The following HERC3 variants were observed in gnomAD, a reference collection of about 807,000 sequenced individuals.
The protein encoded by HERC3 is probable E3 ubiquitin-protein ligase HERC3.
In HERC3, 58 loss-of-function variants were observed where a neutral mutation model predicts 129.9. The observed-to-expected ratio is 0.45, with a 90% CI of 0.36 to 0.56. HERC3 has a LOEUF of 0.56. Among genes scored for constraint, HERC3 ranks in the 20% least tolerant of loss-of-function variants. The probability of loss-of-function intolerance (pLI) is 0.00; values close to 1 mark genes in which losing one functional copy is unlikely to be tolerated. For synonymous variants in HERC3, 430 were observed against 451.0 expected, an observed-to-expected ratio of 0.95 and a Z score of 0.59; for missense variants, 835 against 1,244.2, an observed-to-expected ratio of 0.67 and a Z score of 4.95.
the HERC3 span, among the ~76,000 whole-genome samples, chr4:88,544,612 G>A: frequency 7.2e-5 from 11 of 152,138 alleles, no homozygotes; most frequent in South Asian, 2.1e-4. Flanking sequence ...ATAAAGACAC[G>A]TGCACACGTA....
At chr4:88,694,169 C>T (rs1405505652) in intron 23 of HERC3, among the ~76,000 whole-genome samples, 1 of 152,192 alleles carries the variant, frequency 6.6e-6, no homozygotes, top group East Asian at 1.9e-4. Flanking sequence ...TCTCTAGACC[C>T]TGCCAGAGCC....
chr4:88,638,584 C>G (rs1020055720), intron 3 of HERC3, among the ~76,000 whole-genome samples: 12 of 152,230 alleles, frequency 7.9e-5, no homozygotes, highest in African/African-American at 2.9e-4. Context: ...ATTGATGGAA[C>G]ATATCTCAAA....
chr4:88,660,642 T>C (rs1474753923), intron 10 of HERC3, among the ~76,000 whole-genome samples: 1 of 152,200 alleles, frequency 6.6e-6, no homozygotes, highest in African/African-American at 2.4e-5. Context: ...ATGTAAACCA[T>C]AGCATCTCCT....
At chr4:88,638,722 T>C (rs1218867436) in intron 3 of HERC3, among the ~76,000 whole-genome samples, 1 of 152,158 alleles carries the variant, frequency 6.6e-6, no homozygotes, top group Non-Finnish European at 1.5e-5. Flanking sequence ...TTTAACATAG[T>C]ATTGGAAGTT....
At chr4:88,572,212 C>G in the HERC3 span, among the ~76,000 whole-genome samples, 5 of 151,398 alleles carry the variant, frequency 3.3e-5, no homozygotes, top group African/African-American at 1.2e-4. Context: ...TCACTTGAGG[C>G]CAGGAGTTGA....
chr4:88,619,970 G>A (rs887275200), intron 3 of HERC3, among the ~76,000 whole-genome samples: 1 of 152,230 alleles, frequency 6.6e-6, no homozygotes, highest in African/African-American at 2.4e-5. Context: ...TTGAGCAGGT[G>A]TGAGCTGCTA....
chr4:88,625,336 C>G (rs749707339), intron 3 of HERC3, among the ~76,000 whole-genome samples: 19 of 151,978 alleles, frequency 1.3e-4, no homozygotes, highest in Admixed American at 6.6e-4. Flanking sequence ...CATGGTGTGT[C>G]TCTCTCTATA....
chr4:88,545,843 A>G, the HERC3 span, among the ~76,000 whole-genome samples: 4 of 152,208 alleles, frequency 2.6e-5, no homozygotes, highest in South Asian at 6.2e-4. Context: ...TTATTCAGGA[A>G]TAATTCTAAA....
At chr4:88,590,601 C>G (rs1396586002), upstream of HERC3, among the ~76,000 whole-genome samples, 3 of 152,172 alleles carry the variant, frequency 2.0e-5, no homozygotes, top group Non-Finnish European at 2.9e-5. Context: ...AAGAAAAACA[C>G]TTGAGCCATG....
chr4:88,555,195 ACTGCTTGAAC>A, the HERC3 span, among the ~76,000 whole-genome samples: 4 of 151,382 alleles, frequency 2.6e-5, no homozygotes, highest in African/African-American at 9.8e-5. Context: ...AGGCAGGAGA[ACTGCTTGAAC>A]CTGGGAGGCG....
chr4:88,610,703 T>C (rs564817892), intron 3 of HERC3, among the ~76,000 whole-genome samples: 1 of 152,224 alleles, frequency 6.6e-6, no homozygotes, highest in East Asian at 1.9e-4. Context: ...GTCTTGGAAC[T>C]TGGGGGAGAG....
At chr4:88,655,354 T>C in intron 8 of HERC3, 50 bp downstream of exon 8, 1 of 1,605,056 alleles carries the variant, frequency 6.2e-7, no homozygotes, top group Non-Finnish European at 8.5e-7. Context: ...CAGAAATTGG[T>C]CTTATCTTTG....
intron 3 of HERC3, among the ~76,000 whole-genome samples, chr4:88,610,453 C>A (rs1267322863): frequency 3.2e-3 from 389 of 122,312 alleles, no homozygotes; most frequent in Non-Finnish European, 3.9e-3. Context: ...GACTCCGTCT[C>A]AAAAAAAAAA....
chr4:88,654,354 A>G (rs1729629138), intron 7 of HERC3, among the ~76,000 whole-genome samples: 1 of 50,630 alleles, frequency 2.0e-5, no homozygotes, highest in Non-Finnish European at 3.2e-5. Context: ...TTTTTCATAT[A>G]TATATATATA....
At chr4:88,547,581 T>G in the HERC3 span, among the ~76,000 whole-genome samples, 1 of 152,228 alleles carries the variant, frequency 6.6e-6, no homozygotes, top group Non-Finnish European at 1.5e-5. Flanking sequence ...TTTGCCTATT[T>G]TGGATATTTC....
At chr4:88,634,799 C>G (rs571742331) in intron 3 of HERC3, among the ~76,000 whole-genome samples, 2 of 151,588 alleles carry the variant, frequency 1.3e-5, no homozygotes, top group South Asian at 2.1e-4. Context: ...GAGGAAGGAG[C>G]AGGCACCCAT....
the HERC3 span, among the ~76,000 whole-genome samples, chr4:88,558,146 C>T: frequency 6.7e-6 from 1 of 148,606 alleles, no homozygotes; most frequent in African/African-American, 2.5e-5. Flanking sequence ...AATCCCAGTA[C>T]CAGGTATCTA....
upstream of HERC3, among the ~76,000 whole-genome samples, chr4:88,590,933 T>C (rs1260839448): frequency 6.6e-6 from 1 of 151,366 alleles, no homozygotes; most frequent in African/African-American, 2.4e-5. Flanking sequence ...TTGCCCAGGC[T>C]GGAGTAAGTA....
At chr4:88,557,282 A>G in the HERC3 span, among the ~76,000 whole-genome samples, 1 of 152,120 alleles carries the variant, frequency 6.6e-6, no homozygotes. Context: ...GTTAAGAGCT[A>G]TTTTTTCTTT....
Sources: gnomAD v4.1 joint callset for allele counts (sites outside exome capture counted in the v4.1 genomes callset) on GRCh38, gnomAD v4.1.1 for gene constraint, MANE v1.5 for transcripts, NCBI Gene and HGNC (gene_info 2026-07-23, HGNC 2026-07-21) for gene names.